FTO: variants seen among roughly 807,000 people sequenced by gnomAD.
FTO encodes the protein FTO alpha-ketoglutarate dependent dioxygenase, also known as alpha-ketoglutarate-dependent dioxygenase FTO.
In FTO, 47 loss-of-function variants were observed where a neutral mutation model predicts 63.9. The observed-to-expected ratio is 0.74, with a 90% CI of 0.58 to 0.94. FTO has a LOEUF of 0.94. FTO is among the 40% of genes least tolerant of loss of function. The pLI is 0.00. For missense variants in FTO, 562 were observed against 618.1 expected, an observed-to-expected ratio of 0.91 and a Z score of 0.96; for synonymous variants, 207 against 224.4, an observed-to-expected ratio of 0.92 and a Z score of 0.69.
chr16:53,801,199 C>T (rs1459342279), intron 1 of FTO, among the ~76,000 whole-genome samples: 1 of 150,304 alleles, frequency 6.7e-6, no homozygotes, highest in Non-Finnish European at 1.5e-5. Context: ...TTTATAATTC[C>T]ATTTTATCTC....
At chr16:54,034,020 T>G (rs2084888880) in intron 8 of FTO, 1 of 152,206 alleles carries the variant, frequency 6.6e-6, no homozygotes, top group African/African-American at 2.4e-5. Flanking sequence ...GTATCACTTC[T>G]GAGGGTACAG....
chr16:54,025,718 C>A (rs1599230126), intron 8 of FTO, among the ~76,000 whole-genome samples: 1 of 149,658 alleles, frequency 6.7e-6, no homozygotes, highest in African/African-American at 2.5e-5. Context: ...GACTCCATCT[C>A]AAAAAAAAAG....
intron 7 of FTO, among the ~76,000 whole-genome samples, chr16:53,898,605 T>G (rs915603647): frequency 6.6e-6 from 1 of 152,184 alleles, no homozygotes; most frequent in Non-Finnish European, 1.5e-5. Context: ...ACTCGACACA[T>G]GTTTGTTAAA....
chr16:53,711,100 T>G (rs75814286), intron 1 of FTO, among the ~76,000 whole-genome samples: 1 of 151,742 alleles, frequency 6.6e-6, no homozygotes, highest in African/African-American at 2.4e-5. Context: ...ATCATCATTA[T>G]CACCATCATC....
At chr16:53,886,685 A>G (rs894983977) in intron 6 of FTO, among the ~76,000 whole-genome samples, 1 of 152,228 alleles carries the variant, frequency 6.6e-6, no homozygotes, top group African/African-American at 2.4e-5. Context: ...GCAAACAAAC[A>G]TTTAGTTAAT....
At chr16:53,835,141 A>G (rs1359213250) in intron 3 of FTO, among the ~76,000 whole-genome samples, 1 of 152,202 alleles carries the variant, frequency 6.6e-6, no homozygotes, top group Admixed American at 6.5e-5. Flanking sequence ...TAAGAGCTTC[A>G]GAACCATCAG....
intron 1 of FTO, among the ~76,000 whole-genome samples, chr16:53,732,025 CCCTCATTGTGG>C (rs1364709247): frequency 6.9e-6 from 1 of 145,412 alleles, no homozygotes; most frequent in Non-Finnish European, 1.5e-5. Flanking sequence ...CGCGCCCCAG[CCCTCATTGTGG>C]CCTTATTTTT....
chr16:53,831,950 T>G (rs2079156410), intron 3 of FTO, among the ~76,000 whole-genome samples: 1 of 152,026 alleles, frequency 6.6e-6, no homozygotes, highest in African/African-American at 2.4e-5. Flanking sequence ...AGGTTTGGAT[T>G]TGGAGTGAGA....
At chr16:54,072,720 C>T (rs1166353637) in intron 8 of FTO, among the ~76,000 whole-genome samples, 1 of 152,154 alleles carries the variant, frequency 6.6e-6, no homozygotes, top group Non-Finnish European at 1.5e-5. Flanking sequence ...TGCCCCGCCC[C>T]ATCCTCACAC....
chr16:53,721,306 T>C (rs1230988406), intron 1 of FTO, among the ~76,000 whole-genome samples: 1 of 152,202 alleles, frequency 6.6e-6, no homozygotes, highest in Non-Finnish European at 1.5e-5. Flanking sequence ...AGAGACATTA[T>C]ACTCTGTTCC....
chr16:53,709,868 T>C (rs938274052), intron 1 of FTO, among the ~76,000 whole-genome samples: 1 of 152,206 alleles, frequency 6.6e-6, no homozygotes, highest in African/African-American at 2.4e-5. Context: ...CCTAAGAACA[T>C]GGACATTCTC....
intron 6 of FTO, chr16:53,886,980 C>G (rs556335797): frequency 6.6e-5 from 10 of 152,316 alleles, no homozygotes; most frequent in African/African-American, 2.4e-4. Context: ...AGATCGGTAG[C>G]ATTGTACCTT....
chr16:53,777,325 G>C (rs1163866648), intron 1 of FTO, among the ~76,000 whole-genome samples: 1 of 152,016 alleles, frequency 6.6e-6, no homozygotes, highest in South Asian at 2.1e-4. Flanking sequence ...ATTTCACTTA[G>C]CATAATGCCC....
In FTO at chr16:54,119,577, G is replaced by A. The variant is rs560783134; in HGVS notation, c.*7662G>A. The A allele has an allele frequency of 1.3e-5, 2 of 152,146 alleles. No individual in the cohort carries two copies. The highest frequency in any genetic ancestry group is 1.9e-4 in the East Asian group (1 of 5,162). The allele number at this position is 152,146 out of a possible 1,614,324, so 9.4% of individuals were successfully genotyped here. A position where few individuals can be genotyped will look rare whatever the true frequency, so the allele number is the denominator to read the frequency against. On this transcript the variant is annotated 3_prime_UTR_variant, in exon 9 of 9. Transcript: ENST00000471389. ...CCAGGGTCACGCTGAGAGGGATCTC[G>A]GTGAACATGTGAACAATCAAGCCAT...
chr16:53,730,994 C>T (rs1335064447), intron 1 of FTO, among the ~76,000 whole-genome samples: 3 of 152,054 alleles, frequency 2.0e-5, no homozygotes, highest in Middle Eastern at 3.2e-3. Context: ...AACAGAACAA[C>T]GGAGTTAAAG....
At chr16:54,054,000 T>G (rs1460658269) in intron 8 of FTO, among the ~76,000 whole-genome samples, 1 of 152,126 alleles carries the variant, frequency 6.6e-6, no homozygotes. Flanking sequence ...CCCGTGCACT[T>G]AGATCCTGGT....
intron 7 of FTO, among the ~76,000 whole-genome samples, chr16:53,915,698 T>C (rs1349298038): frequency 6.6e-6 from 1 of 152,158 alleles, no homozygotes; most frequent in Non-Finnish European, 1.5e-5. Context: ...TTCTAATCCT[T>C]TCAGAATACC....
At chr16:53,854,010 C>T (rs1279909494) in intron 4 of FTO, among the ~76,000 whole-genome samples, 1 of 152,076 alleles carries the variant, frequency 6.6e-6, no homozygotes, top group African/African-American at 2.4e-5. Flanking sequence ...TAATAATGGT[C>T]ATTCTGGCTA....
intron 7 of FTO, among the ~76,000 whole-genome samples, chr16:53,903,641 G>A (rs1327513110): frequency 6.6e-6 from 1 of 152,136 alleles, no homozygotes; most frequent in Non-Finnish European, 1.5e-5. Context: ...TTCCAAATTT[G>A]TATGTTCTTT....
Sources: gnomAD v4.1 joint callset for allele counts (sites outside exome capture counted in the v4.1 genomes callset) on GRCh38, gnomAD v4.1.1 for gene constraint, MANE v1.5 for transcripts, NCBI Gene and HGNC (gene_info 2026-07-23, HGNC 2026-07-21) for gene names.